MGLL: variants seen among roughly 807,000 people sequenced by gnomAD.
MGLL encodes monoglyceride lipase.
In MGLL, 7 loss-of-function variants were observed where a neutral mutation model predicts 29.1. The ratio of observed to expected loss-of-function variants is 0.24; its 90% confidence interval spans 0.14 to 0.45. MGLL has a LOEUF of 0.45. MGLL is among the 20% of genes least tolerant of loss of function. The pLI is 0.99. For missense variants in MGLL, 356 were observed against 413.6 expected (o/e 0.86, Z 1.21); for synonymous variants, 148 against 168.3 (o/e 0.88, Z 0.93).
At chr3:127,729,644 G>C (rs1267747266) in intron 3 of MGLL, among the ~76,000 whole-genome samples, 1 of 152,124 alleles carries the variant, frequency 6.6e-6, no homozygotes, top group Non-Finnish European at 1.5e-5. Flanking sequence ...GTCCTTCATT[G>C]CTTCACTGAA....
intron 3 of MGLL, among the ~76,000 whole-genome samples, chr3:127,739,430 C>T (rs891215378): frequency 1.3e-5 from 2 of 152,152 alleles, no homozygotes; most frequent in African/African-American, 4.8e-5. Flanking sequence ...TCCTGCCAAC[C>T]AGAAATAATT....
intron 2 of MGLL, among the ~76,000 whole-genome samples, chr3:127,783,378 C>T (rs1388833168): frequency 2.0e-5 from 3 of 152,124 alleles, no homozygotes; most frequent in African/African-American, 4.8e-5. Flanking sequence ...CCCCTCTGCA[C>T]ACCCCTGCTG....
intron 3 of MGLL, among the ~76,000 whole-genome samples, chr3:127,772,515 C>T (rs975526268): frequency 3.3e-5 from 5 of 152,188 alleles, no homozygotes; most frequent in South Asian, 2.1e-4. Context: ...TGCACACTAC[C>T]GCATGCAAAG....
intron 2 of MGLL, among the ~76,000 whole-genome samples, chr3:127,782,508 C>T (rs2077144993): frequency 6.6e-6 from 1 of 152,192 alleles, no homozygotes; most frequent in Admixed American, 6.5e-5. Context: ...TTGTGAGGCT[C>T]ATGGGAGCTA....
chr3:127,700,710 T>C (rs1490187410), intron 6 of MGLL, among the ~76,000 whole-genome samples: 1 of 152,218 alleles, frequency 6.6e-6, no homozygotes, highest in Non-Finnish European at 1.5e-5. Context: ...TGGCAACCGC[T>C]GGCCACCTGC....
intron 5 of MGLL, chr3:127,711,032 A>G (rs2075701287): frequency 2.8e-6 from 1 of 361,832 alleles, no homozygotes; most frequent in Non-Finnish European, 5.4e-6. Context: ...GGGGTACTGA[A>G]AATACACGGC....
intron 2 of MGLL, among the ~76,000 whole-genome samples, chr3:127,802,336 C>T (rs1273176881): frequency 5.3e-5 from 8 of 152,208 alleles, no homozygotes; most frequent in African/African-American, 1.9e-4. Flanking sequence ...CCCACCGAGG[C>T]GGTCAGCAGC....
chr3:127,782,390 G>C (rs78983298), intron 2 of MGLL, among the ~76,000 whole-genome samples: 544 of 152,276 alleles, frequency 3.6e-3, no homozygotes, highest in African/African-American at 0.012. Flanking sequence ...ACGCAGAATG[G>C]AGCCCAAATC....
At chr3:127,735,754 T>A in intron 3 of MGLL, 1 of 1,598,404 alleles carries the variant, frequency 6.3e-7, no homozygotes, top group Non-Finnish European at 8.5e-7. Flanking sequence ...CCTTCTCCCA[T>A]TCCCTCCCTT....
intron 2 of MGLL, among the ~76,000 whole-genome samples, chr3:127,801,691 G>A (rs972472131): frequency 4.9e-4 from 75 of 151,538 alleles, no homozygotes; most frequent in African/African-American, 1.8e-3. Flanking sequence ...GCAAGGTTCT[G>A]GAGTAGTCCC....
At chr3:127,701,914 C>T (rs1354383051) in intron 6 of MGLL, among the ~76,000 whole-genome samples, 1 of 152,200 alleles carries the variant, frequency 6.6e-6, no homozygotes, top group Non-Finnish European at 1.5e-5. Flanking sequence ...TGCCCAGACA[C>T]CCTCGCCAAC....
chr3:127,774,864 C>T (rs1349325942), intron 3 of MGLL, among the ~76,000 whole-genome samples: 2 of 152,166 alleles, frequency 1.3e-5, no homozygotes, highest in Non-Finnish European at 2.9e-5. Flanking sequence ...TCAGACCCTG[C>T]GCTATCTCAT....
At chr3:127,818,565 T>C (rs1296697887) in intron 2 of MGLL, among the ~76,000 whole-genome samples, 1 of 152,196 alleles carries the variant, frequency 6.6e-6, no homozygotes, top group Non-Finnish European at 1.5e-5. Context: ...AATTATTCTC[T>C]TCCTCTTTAC....
intron 3 of MGLL, among the ~76,000 whole-genome samples, chr3:127,763,878 A>C (rs2076810414): frequency 6.6e-6 from 1 of 152,200 alleles, no homozygotes. Context: ...CGCCGTAGTC[A>C]TTACACCCAC....
chr3:127,765,815 A>G (rs1484270998), intron 3 of MGLL, among the ~76,000 whole-genome samples: 1 of 152,224 alleles, frequency 6.6e-6, no homozygotes, highest in East Asian at 1.9e-4. Flanking sequence ...TTTCTATAGA[A>G]AAGATGGGGG....
intron 3 of MGLL, among the ~76,000 whole-genome samples, chr3:127,740,478 C>T (rs2076319954): frequency 1.3e-5 from 2 of 152,178 alleles, no homozygotes; most frequent in African/African-American, 4.8e-5. Flanking sequence ...AAAAACCCCT[C>T]TGAGGACTGC....
At chr3:127,815,921 C>T (rs890190419) in intron 2 of MGLL, among the ~76,000 whole-genome samples, 3 of 152,182 alleles carry the variant, frequency 2.0e-5, no homozygotes, top group Non-Finnish European at 2.9e-5. Context: ...ACCATGTAGA[C>T]GTCAATAAGG....
intron 6 of MGLL, among the ~76,000 whole-genome samples, chr3:127,700,764 C>T (rs1014977581): frequency 6.6e-6 from 1 of 152,190 alleles, no homozygotes; most frequent in African/African-American, 2.4e-5. Flanking sequence ...TTAGGACCCT[C>T]GAAAGGGGAG....
intron 2 of MGLL, among the ~76,000 whole-genome samples, chr3:127,819,784 G>T (rs767979688): frequency 5.9e-5 from 9 of 152,098 alleles, no homozygotes; most frequent in Non-Finnish European, 8.8e-5. Context: ...GCTGGTCTCG[G>T]TTATGAAGAT....
Sources: gnomAD v4.1 joint callset for allele counts (sites outside exome capture counted in the v4.1 genomes callset) on GRCh38, gnomAD v4.1.1 for gene constraint, MANE v1.5 for transcripts, NCBI Gene and HGNC (gene_info 2026-07-23, HGNC 2026-07-21) for gene names.